Variants in PCDH11Y observed in about 807,000 individuals in gnomAD.
PCDH11Y encodes protocadherin 11 Y-linked, also known as protocadherin-11 Y-linked.
For missense variants in PCDH11Y, 12 were observed against 224.8 expected, an observed-to-expected ratio of 0.05 and a Z score of 6.05; for synonymous variants, 9 against 83.6, an observed-to-expected ratio of 0.11 and a Z score of 4.87.
intron 2 of PCDH11Y, among the ~76,000 whole-genome samples, chrY:5,354,568 C>T (rs2437453): frequency 9.2e-5 from 3 of 32,676 alleles, no homozygotes; most frequent in Non-Finnish European, 1.5e-4. Flanking sequence ...ATGGCTTATA[C>T]GCGCACACAC....
chrY:5,650,267 T>A (rs2053530362), intron 4 of PCDH11Y, among the ~76,000 whole-genome samples: 131 of 33,433 alleles, frequency 3.9e-3, no homozygotes, highest in Non-Finnish European at 9.2e-3. Context: ...AAAGGCTTCC[T>A]TAAACCACAT....
At chrY:5,614,031 T>G (rs2124701333) in intron 4 of PCDH11Y, among the ~76,000 whole-genome samples, 1 of 16,149 alleles carries the variant, frequency 6.2e-5, no homozygotes, top group Non-Finnish European at 1.4e-4. Flanking sequence ...CATAAACATT[T>G]GTATTGCTGG....
intron 2 of PCDH11Y, among the ~76,000 whole-genome samples, chrY:5,258,082 C>G (rs2124657703): frequency 6.2e-5 from 2 of 32,311 alleles, no homozygotes; most frequent in Admixed American, 2.9e-4. Context: ...TTTATAGACA[C>G]AGAGTAGCTC....
intron 2 of PCDH11Y, among the ~76,000 whole-genome samples, chrY:5,226,145 G>T (rs1380392992): frequency 0.011 from 306 of 26,991 alleles, no homozygotes; most frequent in Non-Finnish European, 1.7e-3. Flanking sequence ...CTGACTAGCT[G>T]GGATTACAGG....
At position 5,015,168 on chromosome Y, in the gene PCDH11Y, A is replaced by G. The variant is rs2052559557; in HGVS notation, c.-134+14563A>G. Reference sequence around the variant, plus strand: ...ATGTTTTCTTGAAAGAAGCCTTTACATATAACCATTTAACACTTCAAACAA... The same window carrying G: ...ATGTTTTCTTGAAAGAAGCCTTTACGTATAACCATTTAACACTTCAAACAA... On this transcript the variant is annotated intron_variant, in intron 1 of 5. Coordinates refer to the PCDH11Y transcript ENST00000333703. 8.8e-5 allele frequency among the ~76,000 whole-genome samples: 3 copies of G among 33,957 alleles called. No homozygotes were observed. In the East Asian group the frequency reaches 2.3e-3, roughly 26 times the overall value. The allele number at this position is 33,957 out of a possible 37,273, so 91.1% of individuals were successfully genotyped here. A position where few individuals can be genotyped will look rare whatever the true frequency, so the allele number is the denominator to read the frequency against.
rs2124634087 is a variant in PCDH11Y, at chrY:5,092,487, T to C, written c.637-5728T>C. On this transcript the variant is annotated intron_variant, in intron 1 of 1. Transcript: ENST00000215473. ...ATAGACTCTAAAAGGCACCACAGTA[T>C]TGAATATATAAGCAACAGTTGCTTT... 3.6e-4 allele frequency among the ~76,000 whole-genome samples: 12 copies of C among 33,066 alleles called. No homozygotes were observed. The South Asian group carries it at 8.1e-3, about 22-fold the overall frequency. The allele number at this position is 33,066 out of a possible 37,273, so 88.7% of individuals were successfully genotyped here.
chrY:5,427,588 AGAG>A (rs2053264921), intron 2 of PCDH11Y, among the ~76,000 whole-genome samples: 1 of 33,451 alleles, frequency 3.0e-5, no homozygotes, highest in Non-Finnish European at 7.4e-5. Flanking sequence ...AATGACTGAT[AGAG>A]AAGACAAACC....
chrY:5,562,298 G>A (rs2053429312), intron 3 of PCDH11Y, among the ~76,000 whole-genome samples: 1 of 33,649 alleles, frequency 3.0e-5, no homozygotes, highest in African/African-American at 1.2e-4. Context: ...GCTCTTTCTT[G>A]ATGGATTACA....
In PCDH11Y at chrY:5,594,207, G is replaced by T. The variant is rs2053464943; in HGVS notation, c.3352+12409G>T. Among the ~76,000 whole-genome samples, 17 of 32,570 alleles carry T rather than the reference G, an allele frequency of 5.2e-4. No individual in the cohort carries two copies. In the South Asian group the frequency reaches 0.012, roughly 23 times the overall value. The allele number at this position is 32,570 out of a possible 37,273, so 87.4% of individuals were successfully genotyped here. A position where few individuals can be genotyped will look rare whatever the true frequency, so the allele number is the denominator to read the frequency against. On this transcript the variant is annotated intron_variant, in intron 4 of 4. Coordinates refer to the PCDH11Y transcript ENST00000400457. ...GCGCAAGGGCTGGACGCTGTCAGGT[G>T]CAGGTCTTTGTGCACCCTCTATGTG...
chrY:5,280,854 G>C, intron 2 of PCDH11Y, among the ~76,000 whole-genome samples: 1 of 33,253 alleles, frequency 3.0e-5, no homozygotes, highest in Non-Finnish European at 7.4e-5. Context: ...TTTCTCTAAT[G>C]ATCAGTGATT....
At chrY:5,726,646 T>A (rs1383502841) in intron 4 of PCDH11Y, among the ~76,000 whole-genome samples, 33 of 33,198 alleles carry the variant, frequency 9.9e-4, no homozygotes, top group Non-Finnish European at 5.2e-4. Flanking sequence ...ATAAATTACA[T>A]CTCACGAAAA....
chrY:5,176,679 C>A, intron 2 of PCDH11Y, among the ~76,000 whole-genome samples: 1 of 31,462 alleles, frequency 3.2e-5, no homozygotes, highest in Admixed American at 3.0e-4. Context: ...CTAATGGTCA[C>A]CAGAGCTGGA....
At chrY:5,202,053 T>G in intron 2 of PCDH11Y, among the ~76,000 whole-genome samples, 1 of 33,657 alleles carries the variant, frequency 3.0e-5, no homozygotes, top group African/African-American at 1.2e-4. Context: ...CTCTCTTGCT[T>G]TCTCCTTAGC....
chrY:5,257,328 A>G, intron 2 of PCDH11Y, among the ~76,000 whole-genome samples: 2 of 33,624 alleles, frequency 5.9e-5, no homozygotes. Flanking sequence ...TTCTGTTGCT[A>G]TGATGTACCA....
intron 3 of PCDH11Y, among the ~76,000 whole-genome samples, chrY:5,547,811 T>A (rs2053414750): frequency 1.6e-4 from 5 of 32,071 alleles, no homozygotes; most frequent in Admixed American, 1.5e-3. Context: ...AAGTAGCTAA[T>A]TTTTTTTTAT....
At chrY:5,484,565 AAT>A (rs2053329670) in intron 2 of PCDH11Y, among the ~76,000 whole-genome samples, 1 of 33,423 alleles carries the variant, frequency 3.0e-5, no homozygotes, top group African/African-American at 1.2e-4. Context: ...AGGAGATAAA[AAT>A]ATGTTTTAGA....
chrY:5,656,431 C>T (rs2053536188), intron 4 of PCDH11Y, among the ~76,000 whole-genome samples: 1 of 30,327 alleles, frequency 3.3e-5, no homozygotes, highest in Non-Finnish European at 7.8e-5. Flanking sequence ...CACGTGATCC[C>T]GTTTGTCCAT....
intron 2 of PCDH11Y, among the ~76,000 whole-genome samples, chrY:5,488,523 T>A: frequency 6.0e-5 from 2 of 33,106 alleles, no homozygotes; most frequent in Non-Finnish European, 1.5e-4. Flanking sequence ...AAATATTTTT[T>A]AAAAACAGAT....
rs2124679342 is a variant in PCDH11Y, at chrY:5,419,939, C to T, written c.3130-81118C>T. ...TATTCAGTTTATAACACCTGTTAAGCATATACATTTGATGTTACTTCATCA... is the reference window on the plus strand; with the variant it reads ...TATTCAGTTTATAACACCTGTTAAGTATATACATTTGATGTTACTTCATCA... On this transcript the variant is annotated intron_variant, in intron 2 of 4. Transcript: ENST00000400457. Among the ~76,000 whole-genome samples, 9 of 30,422 alleles carry T rather than the reference C, an allele frequency of 3.0e-4. No homozygotes were observed. In the East Asian group the frequency reaches 7.9e-3, roughly 27 times the overall value. 81.6% of individuals were successfully genotyped at this position (30,422 alleles called of 37,273 possible). A position where few individuals can be genotyped will look rare whatever the true frequency, so the allele number is the denominator to read the frequency against.
Sources: allele counts gnomAD v4.1 joint callset (sites outside exome capture counted in the v4.1 genomes callset), GRCh38; gene constraint gnomAD v4.1.1; transcripts MANE v1.5; gene names NCBI Gene and HGNC (gene_info 2026-07-23, HGNC 2026-07-21).